The following CFAP47 variants were observed in gnomAD, a reference collection of about 807,000 sequenced individuals.
CFAP47 encodes the protein cilia- and flagella-associated protein 47.
In CFAP47, 29 loss-of-function variants were observed where a neutral mutation model predicts 148.1. That is an observed-to-expected ratio of 0.20 (90% confidence interval 0.15 to 0.27). The LOEUF is 0.27. Ranked by LOEUF, CFAP47 falls within the 10% of genes least tolerant of loss-of-function variation. CFAP47 has a pLI of 1.00. For synonymous variants in CFAP47, 664 were observed against 577.3 expected (o/e 1.15, Z -2.15); for missense variants, 1,872 against 1,697.5 (o/e 1.10, Z -1.81).
intron 45 of CFAP47, among the ~76,000 whole-genome samples, chrX:36,228,148 G>T (rs1169924621): frequency 1.8e-5 from 2 of 111,648 alleles, no homozygotes; most frequent in African/African-American, 6.5e-5. Context: ...TAGAAATGTG[G>T]CTGACAGTAA....
intron 55 of CFAP47, among the ~76,000 whole-genome samples, chrX:36,308,209 G>T (rs782366568): frequency 6.6e-4 from 74 of 111,369 alleles, no homozygotes; most frequent in African/African-American, 2.4e-3. Context: ...ACACAAAAAG[G>T]CTCAAACAAG....
chrX:36,081,583 A>G (rs754999866), intron 29 of CFAP47, among the ~76,000 whole-genome samples: 18 of 111,414 alleles, frequency 1.6e-4, no homozygotes, highest in African/African-American at 5.9e-4. Flanking sequence ...ACATAGATGT[A>G]AAAATCCTTA....
chrX:36,312,151 A>G (rs1941398737), intron 56 of CFAP47, among the ~76,000 whole-genome samples: 1 of 110,643 alleles, frequency 9.0e-6, no homozygotes, highest in African/African-American at 3.3e-5. Context: ...CTGATAGACT[A>G]AGGGTCTAGG....
At chrX:36,089,794 A>G (rs1365024639) in intron 30 of CFAP47, among the ~76,000 whole-genome samples, 3 of 112,146 alleles carry the variant, frequency 2.7e-5, no homozygotes, top group African/African-American at 6.5e-5. Flanking sequence ...GTTTGCCTAT[A>G]TAACAAACCT....
rs1171215599 is a variant in CFAP47, at chrX:36,039,116, C to T, written c.3944C>T (p.Thr1315Ile). Residue 1315 changes from threonine to isoleucine, a missense_variant, in exon 25 of 64, where the codon ACT becomes ATT. Thr to Ile is a moderately conservative substitution (Grantham distance 89, BLOSUM62 -1). Transcript: ENST00000378653. ...TTTGACCCTCCATTTATATTTTTCA[C>T]TCCTGTTCCTTTGGATATAACAACT... ...LLFDPPFIFF[T>I]PVPLDITTVM... 3 of 1,104,853 alleles carry T rather than the reference C, an allele frequency of 2.7e-6. No homozygotes were observed. The highest frequency in any genetic ancestry group is 3.7e-6 in the Non-Finnish European group (3 of 820,832). The allele number at this position is 1,104,853 out of a possible 1,213,427, so 91.1% of individuals were successfully genotyped here. A position where few individuals can be genotyped will look rare whatever the true frequency, so the allele number is the denominator to read the frequency against.
At chrX:36,211,902 G>A (rs1343574041) in intron 45 of CFAP47, among the ~76,000 whole-genome samples, 3 of 111,095 alleles carry the variant, frequency 2.7e-5, no homozygotes, top group Admixed American at 9.6e-5. Context: ...ACTACTGAAT[G>A]TGTCTTTAGA....
At chrX:36,349,232 C>G (rs1941722576) in intron 58 of CFAP47, among the ~76,000 whole-genome samples, 1 of 111,363 alleles carries the variant, frequency 9.0e-6, no homozygotes, top group Non-Finnish European at 1.9e-5. Flanking sequence ...GAAAAAAATC[C>G]CAACTTCAAA....
chrX:36,267,197 C>T (rs1686055613), intron 49 of CFAP47, among the ~76,000 whole-genome samples: 1 of 111,555 alleles, frequency 9.0e-6, no homozygotes, highest in Non-Finnish European at 1.9e-5. Context: ...TTTGCAAAAG[C>T]CAAAAATGCC....
intron 29 of CFAP47, among the ~76,000 whole-genome samples, chrX:36,082,177 T>G (rs1012240420): frequency 2.7e-5 from 3 of 111,733 alleles, no homozygotes; most frequent in Non-Finnish European, 5.6e-5. Flanking sequence ...TTCCCTTTTC[T>G]CCGCATCTTC....
intron 49 of CFAP47, among the ~76,000 whole-genome samples, chrX:36,271,706 G>A (rs1308811716): frequency 8.9e-6 from 1 of 111,752 alleles, no homozygotes; most frequent in Non-Finnish European, 1.9e-5. Flanking sequence ...TTCTAAGTAG[G>A]ATGAGACATC....
At chrX:36,336,254 C>CAG (rs1569320444) in intron 57 of CFAP47, among the ~76,000 whole-genome samples, 1 of 87,489 alleles carries the variant, frequency 1.1e-5, no homozygotes, top group East Asian at 3.5e-4. Context: ...GACACACACA[C>CAG]ACACACACAC....
intron 30 of CFAP47, among the ~76,000 whole-genome samples, chrX:36,091,108 T>C (rs751335438): frequency 2.7e-5 from 3 of 111,475 alleles, no homozygotes; most frequent in Non-Finnish European, 5.7e-5. Flanking sequence ...GGCCTTGAGG[T>C]AGATTCAAAA....
In CFAP47 at chrX:35,953,724, G is replaced by A; in HGVS notation, c.1174+5G>A. On this transcript the variant is annotated splice_donor_5th_base_variant and intron_variant, in intron 7 of 63. Transcript: ENST00000378653. ...ATGACTATAAAACCATCAAAAGTAA[G>A]TGTGAAATTAACAAAATTATCAAAT... The A allele has an allele frequency of 8.5e-7, 1 of 1,174,299 alleles. No individual in the cohort carries two copies. The highest frequency in any genetic ancestry group is 1.8e-5 in the African/African-American group (1 of 56,470).
intron 63 of CFAP47, among the ~76,000 whole-genome samples, chrX:36,380,654 AG>A (rs1304143709): frequency 8.9e-5 from 10 of 111,769 alleles, no homozygotes; most frequent in Non-Finnish European, 1.9e-4. Flanking sequence ...CATGTTAGCC[AG>A]GATGGTCTCG....
intron 30 of CFAP47, among the ~76,000 whole-genome samples, chrX:36,097,512 T>G (rs1049978257): frequency 8.9e-6 from 1 of 111,828 alleles, no homozygotes; most frequent in Admixed American, 9.6e-5. Flanking sequence ...TATTCTATTT[T>G]AGTGTAAAAG....
At chrX:36,299,497 ATTAAC>A (rs1458459356) in intron 52 of CFAP47, among the ~76,000 whole-genome samples, 1 of 111,842 alleles carries the variant, frequency 8.9e-6, no homozygotes, top group African/African-American at 3.2e-5. Context: ...CTTGAGGAAA[ATTAAC>A]TTATATATTT....
At chrX:36,068,245 T>A (rs183342606) in intron 27 of CFAP47, among the ~76,000 whole-genome samples, 11 of 112,083 alleles carry the variant, frequency 9.8e-5, no homozygotes, top group African/African-American at 3.2e-4. Context: ...ATTATGTGTT[T>A]CTCTGGTGTA....
chrX:36,013,883 G>A (rs1398521118), intron 21 of CFAP47, among the ~76,000 whole-genome samples: 1 of 111,966 alleles, frequency 8.9e-6, no homozygotes, highest in African/African-American at 3.2e-5. Context: ...ACCATTTGGA[G>A]AGCATTTGGA....
intron 55 of CFAP47, 29 bp from the exon 56 acceptor site, chrX:36,310,804 A>G (rs1941387438): frequency 9.3e-7 from 1 of 1,079,168 alleles, no homozygotes. Flanking sequence ...GTTAGGACAC[A>G]TAAGTTACGA....
Sources: gnomAD v4.1 joint callset for allele counts (sites outside exome capture counted in the v4.1 genomes callset) on GRCh38, gnomAD v4.1.1 for gene constraint, MANE v1.5 for transcripts, NCBI Gene and HGNC (gene_info 2026-07-23, HGNC 2026-07-21) for gene names.